Variants in TERB2 observed in about 807,000 individuals in gnomAD.
TERB2 encodes the protein telomere repeat binding bouquet formation protein 2.
In TERB2, 26 loss-of-function variants were observed where a neutral mutation model predicts 29.8. That is an observed-to-expected ratio of 0.87 (90% CI 0.64 to 1.21). The LOEUF is 1.21. Ranked by LOEUF, TERB2 falls within the 50% of genes most tolerant of loss-of-function variation. TERB2 has a pLI of 0.00. For synonymous variants in TERB2, 80 were observed against 90.8 expected, an observed-to-expected ratio of 0.88 and a Z score of 0.68; for missense variants, 240 against 268.6, an observed-to-expected ratio of 0.89 and a Z score of 0.74.
At position 44,956,732 on chromosome 15, in the gene TERB2, AGC is replaced by A; in HGVS notation, c.18_19del (p.Gly7LeufsTer7). 6.2e-7 allele frequency: 1 copy of A among 1,610,414 alleles called. No homozygotes were observed. The highest frequency in any genetic ancestry group is 8.5e-7 in the Non-Finnish European group (1 of 1,178,300). ...CTTGGCGACGCCATGTTTCAAGGGCAGCGCGGTTGGTTTTGCGGCAGCGTTAG... is the reference window on the plus strand; with the variant it reads ...CTTGGCGACGCCATGTTTCAAGGGCAGCGGTTGGTTTTGCGGCAGCGTTAG... On this transcript the variant is annotated frameshift_variant, in exon 1 of 7. Transcript: ENST00000340827. LOFTEE classifies it high-confidence loss of function.
At chr15:44,967,457 A>G (rs924644696) in intron 5 of TERB2, among the ~76,000 whole-genome samples, 30 of 152,210 alleles carry the variant, frequency 2.0e-4, no homozygotes, top group African/African-American at 7.2e-4. Context: ...TATCGCACCA[A>G]TCCTTGCAAT....
intron 4 of TERB2, among the ~76,000 whole-genome samples, chr15:44,964,805 G>C (rs2141241189): frequency 6.6e-6 from 1 of 152,046 alleles, no homozygotes; most frequent in Non-Finnish European, 1.5e-5. Flanking sequence ...CAATAACTAG[G>C]GTAAATCTGG....
chr15:44,957,552 A>G (rs1891737496), intron 2 of TERB2, among the ~76,000 whole-genome samples: 1 of 152,152 alleles, frequency 6.6e-6, no homozygotes, highest in Non-Finnish European at 1.5e-5. Flanking sequence ...ATAACTTTGA[A>G]TAACAACCCT....
At chr15:44,972,310 C>A (rs1891983997) in intron 5 of TERB2, among the ~76,000 whole-genome samples, 1 of 151,668 alleles carries the variant, frequency 6.6e-6, no homozygotes, top group African/African-American at 2.4e-5. Context: ...GAAAATAAAG[C>A]CTTTGCTATT....
intron 5 of TERB2, chr15:44,971,268 C>T (rs1467293893): frequency 6.6e-6 from 1 of 152,270 alleles, no homozygotes; most frequent in Non-Finnish European, 1.5e-5. Flanking sequence ...ATCACGGGTT[C>T]AGATTTCCCT....
At chr15:44,966,487 G>C (rs554516228) in intron 5 of TERB2, among the ~76,000 whole-genome samples, 9 of 152,216 alleles carry the variant, frequency 5.9e-5, no homozygotes, top group African/African-American at 2.2e-4. Flanking sequence ...TATTTAAATG[G>C]TAGTCATTAA....
chr15:44,956,832 CCT>C (rs756293032), intron 1 of TERB2, 50 bp downstream of exon 1: 19 of 1,609,236 alleles, frequency 1.2e-5, no homozygotes, highest in Non-Finnish European at 1.6e-5. Flanking sequence ...GGAGCATCCT[CCT>C]CTCTCTGATG....
At chr15:44,965,542 ATATAT>A (rs1033775080) in intron 4 of TERB2, among the ~76,000 whole-genome samples, 2 of 144,120 alleles carry the variant, frequency 1.4e-5, no homozygotes, top group Non-Finnish European at 3.0e-5. Context: ...TTATACATTT[ATATAT>A]TATATATTTA....
At chr15:44,968,110 C>T (rs957370016) in intron 5 of TERB2, among the ~76,000 whole-genome samples, 3 of 142,772 alleles carry the variant, frequency 2.1e-5, no homozygotes, top group African/African-American at 8.1e-5. Context: ...GTACTAGGGA[C>T]GTTGATTTTT....
At chr15:44,956,829 C>A in intron 1 of TERB2, 47 bp downstream of exon 1, 1 of 1,609,108 alleles carries the variant, frequency 6.2e-7, no homozygotes, top group South Asian at 1.1e-5. Flanking sequence ...AGGGGAGCAT[C>A]CTCCTCTCTC....
At chr15:44,967,357 A>T (rs1036468731) in intron 5 of TERB2, among the ~76,000 whole-genome samples, 13 of 152,240 alleles carry the variant, frequency 8.5e-5, no homozygotes, top group Admixed American at 1.3e-4. Flanking sequence ...TGCCCCAAAC[A>T]GTCCCAAGCT....
intron 6 of TERB2, among the ~76,000 whole-genome samples, chr15:44,977,368 T>G (rs1001121697): frequency 4.7e-4 from 71 of 152,268 alleles, no homozygotes; most frequent in African/African-American, 1.6e-3. Flanking sequence ...ATCCTTCTTA[T>G]ACTTATAGGA....
chr15:44,972,117 G>A (rs1280811119), intron 5 of TERB2, among the ~76,000 whole-genome samples: 1 of 150,374 alleles, frequency 6.7e-6, no homozygotes, highest in Non-Finnish European at 1.5e-5. Flanking sequence ...AGCCTCCTGA[G>A]TAGCTGGGAT....
At chr15:44,965,737 T>A (rs1464864666) in intron 4 of TERB2, among the ~76,000 whole-genome samples, 8 of 151,244 alleles carry the variant, frequency 5.3e-5, no homozygotes, top group Middle Eastern at 3.5e-3. Context: ...ATTTTTGATT[T>A]GTAGCTCACA....
intron 3 of TERB2, 129 bp from the exon 4 acceptor site, chr15:44,961,394 C>T (rs1891801409): frequency 1.6e-6 from 1 of 610,074 alleles, no homozygotes; most frequent in African/African-American, 1.9e-5. Context: ...TGCATTTTAA[C>T]AAGTGTGTTA....
chr15:44,978,611 A>C lies in TERB2; in HGVS notation c.646A>C (p.Lys216Gln). The C allele has an allele frequency of 6.3e-7, 1 of 1,595,952 alleles. No homozygotes were observed. Among genetic ancestry groups the C allele is most frequent in the Non-Finnish European group, 8.5e-7 (1 of 1,172,720 alleles). The change falls in exon 7 of 7, where the codon AAA (lysine) becomes CAA (glutamine). Residue 216 changes from lysine (K) to glutamine (Q), a missense_variant. Physicochemically the swap from Lys to Gln is moderately conservative, Grantham distance 53. Transcript: ENST00000340827. ...NEINMSAIKN[K>Q]LKRK ...AATTAATATGTCTGCTATAAAAAAC[A>C]AATTGAAGAGGAAATAGTAAATTAA...
At chr15:44,966,310 C>T in intron 5 of TERB2, 67 bp downstream of exon 5, 2 of 916,230 alleles carry the variant, frequency 2.2e-6, no homozygotes, top group Non-Finnish European at 1.5e-6. Flanking sequence ...TGATTGTGTG[C>T]TTATCTCATT....
intron 4 of TERB2, among the ~76,000 whole-genome samples, chr15:44,965,195 GA>G (rs992410861): frequency 1.0e-4 from 14 of 136,532 alleles, no homozygotes; most frequent in Middle Eastern, 4.3e-3. Flanking sequence ...AAAAGAAAAG[GA>G]AAAAAAAGAA....
rs751559335 is a variant in TERB2, at chr15:44,956,986, G to C, written c.146+9G>C. 2 of 1,610,562 alleles carry C rather than the reference G, an allele frequency of 1.2e-6. No individual in the cohort carries two copies. Among genetic ancestry groups the C allele is most frequent in the South Asian group, 2.2e-5 (2 of 91,030 alleles). On this transcript the variant is annotated intron_variant, in intron 2 of 6. Transcript: ENST00000340827. ...CACCCAGACACGCTGAGGTACTGAG[G>C]GCGACCTGGCAGTGCCTCTTATGTT...
Sources: gnomAD v4.1 joint callset for allele counts (sites outside exome capture counted in the v4.1 genomes callset) on GRCh38, gnomAD v4.1.1 for gene constraint, MANE v1.5 for transcripts, NCBI Gene and HGNC (gene_info 2026-07-23, HGNC 2026-07-21) for gene names.